Variants in USP24 observed in about 807,000 individuals in gnomAD.
USP24 encodes the protein ubiquitin specific peptidase 24, also known as ubiquitin carboxyl-terminal hydrolase 24.
USP24 carries 97 observed loss-of-function variants against 361.6 expected under a neutral mutation model. That is an observed-to-expected ratio of 0.27 (90% CI 0.23 to 0.32). The LOEUF (loss-of-function observed/expected upper bound fraction) is 0.32. Among genes scored for constraint, USP24 ranks in the 10% least tolerant of loss-of-function variants. The pLI is 1.00. For synonymous variants in USP24, 1,098 were observed against 1,124.6 expected (o/e 0.98, Z 0.47); for missense variants, 2,353 against 3,165.6 (o/e 0.74, Z 6.16).
chr1:55,075,446 G>C lies in USP24; in HGVS notation c.7447+11C>G. 5.0e-6 allele frequency: 8 copies of C among 1,595,044 alleles called. No homozygotes were observed. Among genetic ancestry groups the C allele is most frequent in the Non-Finnish European group, 6.0e-6 (7 of 1,170,250 alleles). ...CTATAGACATTTGTGCATAAGACCA[G>C]GCATACTTGCCTAGTAATCCATTTT... On this transcript the variant is annotated intron_variant, in intron 63 of 67. Coordinates refer to ENST00000294383, the MANE Select transcript of USP24 (RefSeq NM_015306.3).
chr1:55,182,037 C>A (rs917437167), intron 1 of USP24, among the ~76,000 whole-genome samples: 2 of 152,132 alleles, frequency 1.3e-5, no homozygotes, highest in Non-Finnish European at 2.9e-5. Context: ...CAGAAACCAA[C>A]TCTAATGACT....
chr1:55,123,443 A>G lies in USP24; in HGVS notation c.4276+4T>C, dbSNP rs1178654764. The G allele has an allele frequency of 3.2e-6, 5 of 1,583,550 alleles. No homozygotes were observed. Among genetic ancestry groups the G allele is most frequent in the South Asian group, 1.2e-5 (1 of 84,608 alleles). The stretch of plus-strand genomic sequence containing the variant: ...GATTAATCACAAACAAGCCTCCAGC[A>G]TACCCAGTTGCTGGCTCCGAAGCTG... On this transcript the variant is annotated splice_donor_region_variant and intron_variant, in intron 36 of 67. Coordinates refer to ENST00000294383, the MANE Select transcript of USP24 (RefSeq NM_015306.3).
Position 55,215,038 on chromosome 1 carries a change from C to T in USP24, c.76G>A (p.Ala26Thr). The change falls in exon 1 of 68, where the codon GCC becomes ACC. Residue 26 changes from alanine (A) to threonine (T), a missense_variant. Around this residue, in one of 8 missense-constraint regions of USP24, gnomAD observed 253 missense variants for 255.3 expected, o/e 0.99. Transcript: ENST00000294383. ...ATGTCGTTCTTGGCCAGGCGCAGGG[C>T]CTTGCGGATGGTGGCGGGGTCTGAG... ...GFSDPATIRK[A>T]LRLAKNDINE... 6.8e-7 allele frequency: 1 copy of T among 1,473,086 alleles called. No individual in the cohort carries two copies. The highest frequency in any genetic ancestry group is 9.0e-7 in the Non-Finnish European group (1 of 1,110,234). 91.3% of individuals were successfully genotyped at this position (1,473,086 alleles called of 1,614,324 possible). A position where few individuals can be genotyped will look rare whatever the true frequency, so the allele number is the denominator to read the frequency against.
At chr1:55,142,004 G>A (rs1157421221) in intron 23 of USP24, among the ~76,000 whole-genome samples, 1 of 152,090 alleles carries the variant, frequency 6.6e-6, no homozygotes, top group Non-Finnish European at 1.5e-5. Flanking sequence ...ACTTACATGG[G>A]ACCTCATAAG....
chr1:55,078,798 A>C, intron 60 of USP24, 147 bp from the exon 61 acceptor site: 2 of 574,972 alleles, frequency 3.5e-6, no homozygotes, highest in Non-Finnish European at 5.9e-6. Flanking sequence ...AGAAGTCTAT[A>C]GATAGACTTC....
chr1:55,070,477 C>T (rs757473170), intron 67 of USP24, among the ~76,000 whole-genome samples: 10 of 152,190 alleles, frequency 6.6e-5, no homozygotes, highest in Non-Finnish European at 1.5e-4. Flanking sequence ...GGAAGAGCGC[C>T]AGGAGCGCTA....
intron 1 of USP24, among the ~76,000 whole-genome samples, chr1:55,183,990 T>A (rs66715571): frequency 0.035 from 5,249 of 151,952 alleles, 231 homozygotes; most frequent in African/African-American, 0.1. Context: ...TACAATAACA[T>A]TGGGGGGGAA....
At chr1:55,073,070 G>A (rs2100390554) in intron 64 of USP24, 4 of 566,276 alleles carry the variant, frequency 7.1e-6, no homozygotes, top group Admixed American at 6.6e-5. Flanking sequence ...GGAATAGGGA[G>A]TCAGTCTTCA....
At chr1:55,162,303 G>T (rs746148732) in intron 7 of USP24, 39 bp from the exon 8 acceptor site, 12 of 1,479,382 alleles carry the variant, frequency 8.1e-6, no homozygotes, top group Non-Finnish European at 1.1e-5. Context: ...ACATTTGAGA[G>T]GATTTTTTTC....
chr1:55,069,152 A>G lies in USP24; in HGVS notation c.7801-45T>C, dbSNP rs150099006. ...GTTAAAGTTCATACGGTTAGAGAAA[A>G]GGTTTTCTATGCTGACTTGTGTTCT... On this transcript the variant is annotated intron_variant, in intron 67 of 67. Transcript: ENST00000294383. 2.5e-4 allele frequency: 396 copies of G among 1,604,310 alleles called. 2 individuals are homozygous for G. The East Asian group carries it at 8.8e-3, about 36-fold the overall frequency.
chr1:55,191,827 A>C (rs1289864432), intron 1 of USP24, among the ~76,000 whole-genome samples: 5 of 152,116 alleles, frequency 3.3e-5, no homozygotes, highest in Non-Finnish European at 7.4e-5. Context: ...TTTTTCATGG[A>C]ATTGATACAC....
Position 55,087,302 on chromosome 1 carries a change from T to C in USP24, c.6669-1264A>G, listed in dbSNP as rs1404773497. ...ATAATAAACTCCATCAGGAAGAATG[T>C]AGAAGTAATTCACTGGGATTCTTGA... On this transcript the variant is annotated intron_variant, in intron 55 of 67. Transcript: ENST00000294383. Among the ~76,000 whole-genome samples the C allele has an allele frequency of 5.3e-5, 8 of 152,210 alleles. 1 individual carries two copies.
At position 55,100,018 on chromosome 1, in the gene USP24, A is replaced by G. The variant is rs551590977; in HGVS notation, c.5272-149T>C. ...TTCTAGTGAAGTGAGACTAGCTTGT[A>G]TTCAGCCATCCACCCTTTTTTCTAG... On this transcript the variant is annotated intron_variant, in intron 44 of 67. Transcript: ENST00000294383. 863 of 611,652 alleles carry G rather than the reference A, an allele frequency of 1.4e-3. 1 individual carries two copies. Among genetic ancestry groups the G allele is most frequent in the Non-Finnish European group, 2.1e-3 (760 of 354,002 alleles). 37.9% of individuals were successfully genotyped at this position (611,652 alleles called of 1,614,324 possible).
intron 8 of USP24, 73 bp downstream of exon 8, chr1:55,162,126 C>A (rs1258569979): frequency 2.9e-6 from 4 of 1,391,896 alleles, no homozygotes; most frequent in Non-Finnish European, 3.9e-6. Flanking sequence ...CTCTGAATAA[C>A]CTGATAAAAA....
chr1:55,193,723 T>A (rs1159284462), intron 1 of USP24, among the ~76,000 whole-genome samples: 4 of 152,018 alleles, frequency 2.6e-5, no homozygotes, highest in African/African-American at 9.7e-5. Context: ...ACAGCACTAG[T>A]AACTATGGAA....
chr1:55,134,044 C>T (rs114084688), intron 30 of USP24, 26 bp downstream of exon 30: 1 of 1,582,702 alleles, frequency 6.3e-7, no homozygotes, highest in Middle Eastern at 1.7e-4. Flanking sequence ...TATAAAATTG[C>T]CATGCTAGTT....
intron 63 of USP24, among the ~76,000 whole-genome samples, chr1:55,074,694 A>C (rs1644990144): frequency 6.6e-6 from 1 of 151,602 alleles, no homozygotes; most frequent in Non-Finnish European, 1.5e-5. Flanking sequence ...ATAAAAAATA[A>C]TACTTGGTCC....
intron 1 of USP24, 108 bp downstream of exon 1, chr1:55,214,682 C>A: frequency 2.1e-6 from 2 of 956,272 alleles, no homozygotes; most frequent in Non-Finnish European, 2.6e-6. Flanking sequence ...CCACTAAAGC[C>A]CCAGTCGAAT....
chr1:55,073,579 C>G (rs1397252705), intron 64 of USP24, among the ~76,000 whole-genome samples: 1 of 152,182 alleles, frequency 6.6e-6, no homozygotes, highest in Non-Finnish European at 1.5e-5. Flanking sequence ...TGCCCTGATT[C>G]CTGCCTTTCT....
Sources: gnomAD v4.1 joint callset for allele counts (sites outside exome capture counted in the v4.1 genomes callset) on GRCh38, gnomAD v4.1.1 for gene constraint, gnomAD v4.1.1 regional missense constraint, MANE v1.5 for transcripts, NCBI Gene and HGNC (gene_info 2026-07-23, HGNC 2026-07-21) for gene names.